Variants in SORBS2 observed in about 807,000 individuals in gnomAD.
The protein encoded by SORBS2 is sorbin and SH3 domain containing 2.
SORBS2 carries 46 observed loss-of-function variants against 97.7 expected under a neutral mutation model. That is an observed-to-expected ratio of 0.47 (90% CI 0.37 to 0.60). SORBS2 has a LOEUF of 0.60. Ranked by LOEUF, SORBS2 falls within the 20% of genes least tolerant of loss-of-function variation. The pLI, the probability that SORBS2 is intolerant of heterozygous loss-of-function variation, is 0.00. For synonymous variants in SORBS2, 476 were observed against 473.4 expected, an observed-to-expected ratio of 1.01 and a Z score of -0.07; for missense variants, 1,316 against 1,282.3, an observed-to-expected ratio of 1.03 and a Z score of -0.40.
chr4:185,836,200 T>C (rs1421805717), intron 1 of SORBS2, among the ~76,000 whole-genome samples: 1 of 152,128 alleles, frequency 6.6e-6, no homozygotes, highest in African/African-American at 2.4e-5. Context: ...AGAAGAATCA[T>C]GGAGCGTTTT....
At chr4:185,669,581 T>G (rs2097677010) in intron 4 of SORBS2, among the ~76,000 whole-genome samples, 1 of 152,056 alleles carries the variant, frequency 6.6e-6, no homozygotes, top group African/African-American at 2.4e-5. Flanking sequence ...GAGGGGAAAG[T>G]GCTCGTTGGG....
chr4:185,596,568 C>T (rs969418425), intron 12 of SORBS2, among the ~76,000 whole-genome samples: 1 of 126,274 alleles, frequency 7.9e-6, no homozygotes, highest in Non-Finnish European at 1.6e-5. Flanking sequence ...TGGAGTCTCA[C>T]TCTGCCACCA....
intron 1 of SORBS2, among the ~76,000 whole-genome samples, chr4:185,817,657 C>T (rs995438531): frequency 5.3e-5 from 8 of 152,144 alleles, no homozygotes; most frequent in Admixed American, 1.3e-4. Flanking sequence ...GAATTAGTAA[C>T]GAAACGCACC....
intron 4 of SORBS2, among the ~76,000 whole-genome samples, chr4:185,663,940 C>T (rs1206412956): frequency 6.0e-5 from 9 of 149,944 alleles, no homozygotes; most frequent in African/African-American, 1.5e-4. Flanking sequence ...CTGCAAGCTC[C>T]GCCTCCCGGG....
intron 1 of SORBS2, among the ~76,000 whole-genome samples, chr4:185,939,668 GC>G (rs2099270881): frequency 6.6e-6 from 1 of 152,116 alleles, no homozygotes; most frequent in South Asian, 2.1e-4. Context: ...GTGCCACCAC[GC>G]CTGGCTAATT....
At chr4:185,818,247 T>C (rs1163875603) in intron 1 of SORBS2, among the ~76,000 whole-genome samples, 1 of 152,298 alleles carries the variant, frequency 6.6e-6, no homozygotes, top group East Asian at 1.9e-4. Flanking sequence ...TGGAGTGCAA[T>C]GGCACAATCT....
intron 2 of SORBS2, chr4:185,734,151 C>G (rs13142871): frequency 0.68 from 103,264 of 152,418 alleles, 35,273 homozygotes; most frequent in East Asian, 0.89. Flanking sequence ...GTCCTATTCT[C>G]GCTCTAGAAA....
At chr4:185,740,996 G>A (rs1340777051) in intron 2 of SORBS2, among the ~76,000 whole-genome samples, 1 of 151,774 alleles carries the variant, frequency 6.6e-6, no homozygotes, top group African/African-American at 2.4e-5. Flanking sequence ...CACTAACTCG[G>A]ACCAGCACCA....
At chr4:185,713,710 G>T (rs988502445) in intron 2 of SORBS2, among the ~76,000 whole-genome samples, 6 of 152,236 alleles carry the variant, frequency 3.9e-5, no homozygotes, top group African/African-American at 1.4e-4. Flanking sequence ...GAAAGTCAGA[G>T]TGAAACAAAT....
intron 12 of SORBS2, among the ~76,000 whole-genome samples, chr4:185,598,620 A>T (rs1243113353): frequency 6.6e-6 from 1 of 152,236 alleles, no homozygotes; most frequent in Non-Finnish European, 1.5e-5. Flanking sequence ...TAATGCAAAA[A>T]AATCTCTGAA....
intron 1 of SORBS2, among the ~76,000 whole-genome samples, chr4:185,929,026 G>T (rs1012383133): frequency 2.6e-5 from 4 of 152,182 alleles, no homozygotes; most frequent in African/African-American, 9.7e-5. Flanking sequence ...TTCAGGCCAC[G>T]AGTTTGCAAC....
At chr4:185,663,793 G>C (rs963184963) in intron 4 of SORBS2, among the ~76,000 whole-genome samples, 11 of 149,882 alleles carry the variant, frequency 7.3e-5, no homozygotes, top group African/African-American at 2.7e-4. Flanking sequence ...TATTTTGATG[G>C]TTTCAATAAT....
intron 2 of SORBS2, among the ~76,000 whole-genome samples, chr4:185,679,144 C>A (rs539787266): frequency 6.6e-6 from 1 of 152,220 alleles, no homozygotes; most frequent in South Asian, 2.1e-4. Flanking sequence ...ATTAAAGGAT[C>A]AAAAGAGATC....
chr4:185,596,220 G>A (rs1294333035), intron 12 of SORBS2, among the ~76,000 whole-genome samples: 1 of 152,124 alleles, frequency 6.6e-6, no homozygotes, highest in African/African-American at 2.4e-5. Context: ...GGCATCCAAT[G>A]CTTTGTAAAA....
chr4:185,806,752 C>T (rs1161815798), intron 1 of SORBS2, among the ~76,000 whole-genome samples: 1 of 152,176 alleles, frequency 6.6e-6, no homozygotes, highest in Non-Finnish European at 1.5e-5. Flanking sequence ...GCCACCGCGC[C>T]CGGCCTAGAA....
rs991537820 is a variant in SORBS2 at position 185,774,513 on chromosome 4, G to A, written c.-198+714C>T. 5 of 152,222 alleles carry A rather than the reference G, an allele frequency of 3.3e-5. No homozygotes were observed. In the East Asian group the frequency reaches 7.7e-4, roughly 23 times the overall value. 9.4% of individuals were successfully genotyped at this position (152,222 alleles called of 1,614,324 possible). A position where few individuals can be genotyped will look rare whatever the true frequency, so the allele number is the denominator to read the frequency against. ...TAAAGTCCACAGATCAAAGTACTTC[G>A]CAAAATGTCAAGTGCAAGCGTAACG... On this transcript the variant is annotated intron_variant, in intron 2 of 20. Transcript: ENST00000284776.
chr4:185,665,844 C>T, intron 4 of SORBS2: 1 of 1,154,080 alleles, frequency 8.7e-7, no homozygotes, highest in Non-Finnish European at 1.1e-6. Context: ...CACCAATCTG[C>T]AGCTCCTCCA....
chr4:185,809,387 C>T (rs748137835), intron 1 of SORBS2, among the ~76,000 whole-genome samples: 2 of 120,450 alleles, frequency 1.7e-5, no homozygotes, highest in Non-Finnish European at 3.2e-5. Flanking sequence ...ACTTGAAGGG[C>T]GTATGAAAGC....
chr4:185,832,206 C>T (rs1016156665), intron 1 of SORBS2, among the ~76,000 whole-genome samples: 1 of 152,140 alleles, frequency 6.6e-6, no homozygotes, highest in Admixed American at 6.5e-5. Context: ...ATTCCCTTGT[C>T]TGGAATCTTT....
Sources: allele counts gnomAD v4.1 joint callset (sites outside exome capture counted in the v4.1 genomes callset), GRCh38; gene constraint gnomAD v4.1.1; transcripts MANE v1.5; gene names NCBI Gene and HGNC (gene_info 2026-07-23, HGNC 2026-07-21).